Variants in PROS1 observed in about 807,000 individuals in gnomAD.
PROS1 encodes protein S, also known as vitamin K-dependent protein S.
A neutral mutation model predicts 75.9 loss-of-function variants in PROS1; 29 were observed. That is an observed-to-expected ratio of 0.38 (90% CI 0.28 to 0.52). The LOEUF (loss-of-function observed/expected upper bound fraction) is 0.52, where lower values mean the gene tolerates loss of function less well. Ranked by LOEUF, PROS1 falls within the 20% of genes least tolerant of loss-of-function variation. PROS1 has a pLI of 0.83. For missense variants in PROS1, 680 were observed against 810.3 expected, an observed-to-expected ratio of 0.84 and a Z score of 1.95; for synonymous variants, 245 against 280.6, an observed-to-expected ratio of 0.87 and a Z score of 1.27.
intron 10 of PROS1, among the ~76,000 whole-genome samples, chr3:93,890,517 G>A (rs1708416763): frequency 6.6e-6 from 1 of 152,096 alleles, no homozygotes; most frequent in African/African-American, 2.4e-5. Flanking sequence ...TTGTGGCTCA[G>A]GTGGGCATCA....
chr3:93,952,917 A>G (rs1478300063), intron 1 of PROS1, among the ~76,000 whole-genome samples: 1 of 152,238 alleles, frequency 6.6e-6, no homozygotes, highest in Non-Finnish European at 1.5e-5. Flanking sequence ...ATCCCACAGA[A>G]GTACTAACTA....
intron 14 of PROS1, among the ~76,000 whole-genome samples, chr3:93,875,719 A>G (rs898272419): frequency 1.3e-5 from 2 of 151,870 alleles, no homozygotes; most frequent in African/African-American, 4.8e-5. Flanking sequence ...TTTAAAGCCT[A>G]TTTACTTCTA....
chr3:93,953,458 A>C (rs1169574462), intron 1 of PROS1, among the ~76,000 whole-genome samples: 2 of 152,204 alleles, frequency 1.3e-5, no homozygotes, highest in Non-Finnish European at 2.9e-5. Flanking sequence ...CCAGCATATA[A>C]ACAGAACCAA....
intron 3 of PROS1, among the ~76,000 whole-genome samples, chr3:93,922,618 C>T (rs1708959009): frequency 6.6e-6 from 1 of 152,134 alleles, no homozygotes; most frequent in African/African-American, 2.4e-5. Flanking sequence ...CCTTATCTCA[C>T]TACAGGGACC....
chr3:93,909,433 T>TAAAA (rs752049146), intron 4 of PROS1, among the ~76,000 whole-genome samples: 1 of 79,882 alleles, frequency 1.3e-5, no homozygotes, highest in African/African-American at 4.5e-5. Flanking sequence ...AGAGCTTGTC[T>TAAAA]AAAAAAAAAA....
chr3:93,956,563 A>ACACAAACACACACAC (rs57080075), intron 1 of PROS1, among the ~76,000 whole-genome samples: 1 of 128,306 alleles, frequency 7.8e-6, no homozygotes, highest in Non-Finnish European at 1.7e-5. Context: ...CACACACACA[A>ACACAAACACACACAC]ACACACACAC....
At chr3:93,893,721 G>A (rs767939940) in intron 9 of PROS1, among the ~76,000 whole-genome samples, 13 of 152,146 alleles carry the variant, frequency 8.5e-5, no homozygotes, top group Non-Finnish European at 1.6e-4. Context: ...TTCATGTGTG[G>A]TAAGAAAGGT....
chr3:93,899,509 C>T (rs1272989367), intron 7 of PROS1, among the ~76,000 whole-genome samples: 1 of 151,880 alleles, frequency 6.6e-6, no homozygotes, highest in Non-Finnish European at 1.5e-5. Context: ...TTAAATAAAA[C>T]TACAATACAA....
chr3:93,907,274 G>A (rs1708690387), intron 4 of PROS1, among the ~76,000 whole-genome samples: 1 of 152,206 alleles, frequency 6.6e-6, no homozygotes, highest in Non-Finnish European at 1.5e-5. Context: ...ACAACCAGCT[G>A]CAGAAAGGAG....
chr3:93,879,014 T>C, intron 13 of PROS1, 149 bp downstream of exon 13: 3 of 833,406 alleles, frequency 3.6e-6, no homozygotes, highest in Non-Finnish European at 5.6e-6. Flanking sequence ...TTTTGAGTCC[T>C]TAATGATGTG....
chr3:93,967,481 G>A (rs573620019), intron 1 of PROS1, among the ~76,000 whole-genome samples: 1 of 152,256 alleles, frequency 6.6e-6, no homozygotes, highest in South Asian at 2.1e-4. Context: ...CTAACCTTAT[G>A]GAATGATGAA....
At chr3:93,963,883 C>A (rs1364168178) in intron 1 of PROS1, among the ~76,000 whole-genome samples, 2 of 152,166 alleles carry the variant, frequency 1.3e-5, no homozygotes, top group East Asian at 3.9e-4. Flanking sequence ...CTCCCCTCCC[C>A]TTCCGTTCCC....
chr3:93,887,000 G>A (rs1576177221), intron 10 of PROS1, among the ~76,000 whole-genome samples: 1 of 149,124 alleles, frequency 6.7e-6, no homozygotes, highest in East Asian at 2.0e-4. Context: ...CTCACTGCAA[G>A]CTCCGCTTCC....
chr3:93,962,543 A>C (rs1709722916), intron 1 of PROS1, among the ~76,000 whole-genome samples: 1 of 152,232 alleles, frequency 6.6e-6, no homozygotes, highest in Non-Finnish European at 1.5e-5. Flanking sequence ...GAAACATCCC[A>C]AAAACCTTTA....
At chr3:93,884,682 A>G (rs780244459) in intron 12 of PROS1, 46 bp downstream of exon 12, 17 of 1,544,240 alleles carry the variant, frequency 1.1e-5, no homozygotes, top group Non-Finnish European at 1.4e-5. Flanking sequence ...TAATGAATAA[A>G]TTTACTCATT....
intron 3 of PROS1, among the ~76,000 whole-genome samples, chr3:93,921,255 A>G (rs2107193000): frequency 6.6e-6 from 1 of 152,214 alleles, no homozygotes; most frequent in East Asian, 1.9e-4. Flanking sequence ...TTTTTAACAC[A>G]CTTAAGATCG....
chr3:93,944,588 A>C lies in PROS1; in HGVS notation c.77-17181T>G, dbSNP rs555212060. On this transcript the variant is annotated intron_variant, in intron 1 of 14. Coordinates refer to ENST00000394236, the MANE Select transcript of PROS1 (RefSeq NM_000313.4). ...CATAACGAAATGAAGGCAGAAATAAAGATGTTCTTTGAAACCAATGAGAAC... is the reference window on the plus strand; with the variant it reads ...CATAACGAAATGAAGGCAGAAATAACGATGTTCTTTGAAACCAATGAGAAC... 2.0e-5 allele frequency among the ~76,000 whole-genome samples: 3 copies of C among 152,340 alleles called. No individual in the cohort carries two copies. In the South Asian group the frequency reaches 6.2e-4, roughly 32 times the overall value.
chr3:93,877,526 A>T (rs541005508), intron 13 of PROS1, among the ~76,000 whole-genome samples: 3 of 152,340 alleles, frequency 2.0e-5, no homozygotes, highest in African/African-American at 7.2e-5. Flanking sequence ...CCAAGTTTAC[A>T]TATGAAAAGG....
chr3:93,967,488 T>C (rs181299155), intron 1 of PROS1, among the ~76,000 whole-genome samples: 1 of 152,330 alleles, frequency 6.6e-6, no homozygotes, highest in African/African-American at 2.4e-5. Context: ...TATGGAATGA[T>C]GAACTCACCA....
Sources: gnomAD v4.1 joint callset for allele counts (sites outside exome capture counted in the v4.1 genomes callset) on GRCh38, gnomAD v4.1.1 for gene constraint, MANE v1.5 for transcripts, NCBI Gene and HGNC (gene_info 2026-07-23, HGNC 2026-07-21) for gene names.